The following LMBR1 variants were observed in gnomAD, a reference collection of about 807,000 sequenced individuals.
LMBR1 encodes the protein limb development membrane protein 1.
Under a neutral mutation model 73.9 loss-of-function variants are expected in LMBR1, and 52 were observed. The ratio of observed to expected loss-of-function variants is 0.70; its 90% CI spans 0.56 to 0.89. The LOEUF is 0.89. Among genes scored for constraint, LMBR1 ranks in the 40% least tolerant of loss-of-function variants. The pLI, the probability that LMBR1 is intolerant of heterozygous loss-of-function variation, is 0.00. For synonymous variants in LMBR1, 215 were observed against 209.4 expected (o/e 1.03, Z -0.23); for missense variants, 539 against 579.8 (o/e 0.93, Z 0.72).
intron 1 of LMBR1, among the ~76,000 whole-genome samples, chr7:156,866,852 T>G (rs899743696): frequency 1.3e-5 from 2 of 152,180 alleles, no homozygotes. Context: ...TCCACCCGCC[T>G]TGGCCTCCCA....
At chr7:156,835,979 C>T (rs1468007967) in intron 2 of LMBR1, among the ~76,000 whole-genome samples, 3 of 152,064 alleles carry the variant, frequency 2.0e-5, no homozygotes, top group South Asian at 4.1e-4. Flanking sequence ...TAAATAGCTA[C>T]GATACTATTT....
intron 1 of LMBR1, among the ~76,000 whole-genome samples, chr7:156,864,533 A>T (rs1356018953): frequency 6.6e-6 from 1 of 152,232 alleles, no homozygotes; most frequent in African/African-American, 2.4e-5. Context: ...TAAATGTTAA[A>T]TAAGGCAATG....
chr7:156,748,278 C>T (rs952226628), intron 9 of LMBR1, among the ~76,000 whole-genome samples: 1 of 152,028 alleles, frequency 6.6e-6, no homozygotes, highest in Admixed American at 6.6e-5. Context: ...ACTTTAGGAA[C>T]ATTATATAAT....
intron 4 of LMBR1, among the ~76,000 whole-genome samples, chr7:156,802,757 A>G (rs1831229215): frequency 6.6e-6 from 1 of 151,500 alleles, no homozygotes; most frequent in Admixed American, 6.6e-5. Flanking sequence ...ATCCTTTTAT[A>G]ATCCCTGCCC....
chr7:156,704,913 A>C (rs75232511), intron 15 of LMBR1, among the ~76,000 whole-genome samples: 483 of 152,192 alleles, frequency 3.2e-3, no homozygotes, highest in African/African-American at 0.011. Context: ...AATAAAGAAA[A>C]AGGAACAAAA....
Position 156,682,544 on chromosome 7 carries a change from T to A in LMBR1, c.*1534A>T, listed in dbSNP as rs886062114. On this transcript the variant is annotated 3_prime_UTR_variant, in exon 17 of 17. Coordinates refer to ENST00000353442, the MANE Select transcript of LMBR1 (RefSeq NM_022458.4). ...AGCTTGTTTAGAATCACAAAATGAA[T>A]GTTCTTTTATTTTAAAACCAAGCTG... is the stretch of plus-strand genomic sequence containing the variant. The A allele has an allele frequency of 2.0e-5, 3 of 152,206 alleles. No homozygotes were observed. Among genetic ancestry groups the A allele is most frequent in the Non-Finnish European group, 4.4e-5 (3 of 68,040 alleles). 9.4% of individuals were successfully genotyped at this position (152,206 alleles called of 1,614,324 possible).
At chr7:156,807,249 T>C (rs1008066040) in intron 4 of LMBR1, among the ~76,000 whole-genome samples, 5 of 152,300 alleles carry the variant, frequency 3.3e-5, no homozygotes, top group African/African-American at 9.6e-5. Flanking sequence ...CTCAGTGAAT[T>C]AGGAAATGTT....
chr7:156,754,586 A>T (rs1351223996), intron 9 of LMBR1, among the ~76,000 whole-genome samples: 1 of 151,964 alleles, frequency 6.6e-6, no homozygotes, highest in African/African-American at 2.4e-5. Flanking sequence ...TAGTCTCATT[A>T]TTCTGGAATT....
At chr7:156,743,924 C>A (rs1306500598) in intron 9 of LMBR1, among the ~76,000 whole-genome samples, 3 of 152,140 alleles carry the variant, frequency 2.0e-5, no homozygotes, top group Admixed American at 6.6e-5. Flanking sequence ...ACAGTTTTAA[C>A]AATATTTAGT....
chr7:156,814,159 C>T (rs1411759575), intron 4 of LMBR1, among the ~76,000 whole-genome samples: 1 of 152,164 alleles, frequency 6.6e-6, no homozygotes, highest in African/African-American at 2.4e-5. Flanking sequence ...AATTCCACAA[C>T]TTACAAATGG....
chr7:156,753,905 T>C (rs939556052), intron 9 of LMBR1, among the ~76,000 whole-genome samples: 3 of 152,106 alleles, frequency 2.0e-5, no homozygotes, highest in Non-Finnish European at 4.4e-5. Context: ...AACTCCTTCC[T>C]CTCTATTCCT....
chr7:156,809,434 A>T (rs1467812914), intron 4 of LMBR1, among the ~76,000 whole-genome samples: 2 of 152,212 alleles, frequency 1.3e-5, no homozygotes, highest in Non-Finnish European at 1.5e-5. Flanking sequence ...CAAGTCCCTT[A>T]TGTAAAATGG....
At chr7:156,695,842 G>A (rs1808167176) in intron 15 of LMBR1, among the ~76,000 whole-genome samples, 1 of 144,624 alleles carries the variant, frequency 6.9e-6, no homozygotes, top group African/African-American at 2.6e-5. Context: ...TAGTACTGAT[G>A]TAAAGAAAAA....
At chr7:156,749,961 T>C (rs185720811) in intron 9 of LMBR1, among the ~76,000 whole-genome samples, 31 of 152,220 alleles carry the variant, frequency 2.0e-4, no homozygotes, top group Admixed American at 9.2e-4. Flanking sequence ...AGTGCTGGGA[T>C]TACAGGTGTG....
At chr7:156,730,830 G>A (rs936727516) in intron 10 of LMBR1, among the ~76,000 whole-genome samples, 14 of 152,230 alleles carry the variant, frequency 9.2e-5, no homozygotes, top group South Asian at 4.2e-4. Context: ...CCAGTTACTC[G>A]GGAGGCTGAG....
intron 5 of LMBR1, among the ~76,000 whole-genome samples, chr7:156,774,230 T>C (rs530647598): frequency 3.2e-4 from 49 of 152,200 alleles, no homozygotes; most frequent in African/African-American, 1.1e-3. Flanking sequence ...GCTGGTGAGG[T>C]TGCAGAGAAA....
At position 156,855,681 on chromosome 7, in the gene LMBR1, A is replaced by C. The variant is rs941852239; in HGVS notation, c.67-18796T>G. On this transcript the variant is annotated intron_variant, in intron 1 of 16. Transcript: ENST00000353442. The stretch of plus-strand genomic sequence containing the variant: ...AACGTAAATACAAAAAAAAAAAAAA[A>C]AAAAAACCTATGTCTAGGCATATCA... Among the ~76,000 whole-genome samples the C allele has an allele frequency of 7.9e-5, 12 of 151,380 alleles. No homozygotes were observed. The East Asian group carries it at 2.1e-3, about 27-fold the overall frequency.
chr7:156,891,969 T>C (rs1244689312), intron 1 of LMBR1, among the ~76,000 whole-genome samples: 1 of 152,214 alleles, frequency 6.6e-6, no homozygotes, highest in Non-Finnish European at 1.5e-5. Flanking sequence ...GACTGAATCG[T>C]AGACAACTTA....
chr7:156,751,474 C>T (rs1168050938), intron 9 of LMBR1, among the ~76,000 whole-genome samples: 2 of 152,114 alleles, frequency 1.3e-5, no homozygotes, highest in Non-Finnish European at 2.9e-5. Flanking sequence ...TTGCTGTTAT[C>T]CAGACTGAAA....
Sources: gnomAD v4.1 joint callset for allele counts (sites outside exome capture counted in the v4.1 genomes callset) on GRCh38, gnomAD v4.1.1 for gene constraint, MANE v1.5 for transcripts, NCBI Gene and HGNC (gene_info 2026-07-23, HGNC 2026-07-21) for gene names.